ATXN7L3: variants seen among roughly 807,000 people sequenced by gnomAD.
ATXN7L3 encodes the protein ataxin 7 like 3.
In ATXN7L3, 6 loss-of-function variants were observed where a neutral mutation model predicts 50.0. The observed-to-expected ratio is 0.12, with a 90% CI of 0.07 to 0.24. The LOEUF (loss-of-function observed/expected upper bound fraction) is 0.24, where lower values mean the gene tolerates loss of function less well. Among genes scored for constraint, ATXN7L3 ranks in the 10% least tolerant of loss-of-function variants. The pLI is 1.00. For missense variants in ATXN7L3, 322 were observed against 451.3 expected (o/e 0.71, Z 2.60); for synonymous variants, 198 against 165.8 (o/e 1.19, Z -1.49).
In ATXN7L3 at chr17:44,197,741, G is replaced by A; in HGVS notation, c.52-11C>T. ...CTCCTGAGCGATGGCCTGGGCCCCA[G>A]GGGAGAACATCTACGGTCACAAGAG... On this transcript the variant is annotated splice_polypyrimidine_tract_variant and intron_variant, in intron 2 of 12. Coordinates refer to ENST00000587097, the MANE Select transcript of ATXN7L3 (RefSeq NM_001382309.1). The A allele has an allele frequency of 1.9e-6, 3 of 1,614,262 alleles. No individual in the cohort carries two copies. Among genetic ancestry groups the A allele is most frequent in the Non-Finnish European group, 2.5e-6 (3 of 1,180,042 alleles).
chr17:44,197,950 T>G, intron 2 of ATXN7L3, 70 bp downstream of exon 2: 3 of 1,567,986 alleles, frequency 1.9e-6, no homozygotes, highest in East Asian at 2.2e-5. Context: ...CTCTTTGGTG[T>G]GGATGCCAGA....
At chr17:44,198,994 G>C (rs1414611876) in intron 1 of ATXN7L3, 1 of 152,588 alleles carries the variant, frequency 6.6e-6, no homozygotes, top group Non-Finnish European at 1.5e-5. Flanking sequence ...TGAGCCGGGG[G>C]CACTGGGAAG....
At chr17:44,196,712 A>C (rs2055909487) in intron 5 of ATXN7L3, among the ~76,000 whole-genome samples, 1 of 128,460 alleles carries the variant, frequency 7.8e-6, no homozygotes, top group Non-Finnish European at 1.6e-5. Context: ...CGGGAGACGG[A>C]GGTTGCAGTG....
At position 44,194,220 on chromosome 17, in the gene ATXN7L3, A is replaced by G. The variant is rs1445534203; in HGVS notation, c.*43T>C. 4.4e-6 allele frequency: 7 copies of G among 1,606,012 alleles called. No homozygotes were observed. Among genetic ancestry groups the G allele is most frequent in the Admixed American group, 1.7e-5 (1 of 59,172 alleles). On this transcript the variant is annotated 3_prime_UTR_variant, in exon 13 of 13. Coordinates refer to ENST00000587097, the MANE Select transcript of ATXN7L3 (RefSeq NM_001382309.1). The stretch of plus-strand genomic sequence containing the variant: ...CTATGCCACCTGGGTGGGGGTCAGG[A>G]GAGAGGGCTCTGCTCAGCCAAAGGC...
intron 9 of ATXN7L3, 61 bp from the exon 10 acceptor site, chr17:44,195,201 T>G (rs1284142598): frequency 6.4e-7 from 1 of 1,552,738 alleles, no homozygotes. Flanking sequence ...ATGTTAGATG[T>G]TTCTTTCTGT....
At position 44,197,629 on chromosome 17, in the gene ATXN7L3, G is replaced by T. The variant is rs375431430; in HGVS notation, c.153C>A (p.Asp51Glu). ...RAVKCGYFFL[D>E]DTDPDSMKDF... The stretch of plus-strand genomic sequence containing the variant: ...CCTTCATGCTATCAGGGTCCGTGTC[G>T]TCCAAGAAGAAGTAGCCACACTTGA... The change falls in exon 3 of 13, where the codon GAC (aspartate) becomes GAA (glutamate). Residue 51 changes from aspartate to glutamate, a missense_variant. Coordinates refer to ENST00000587097, the MANE Select transcript of ATXN7L3 (RefSeq NM_001382309.1). 6.2e-7 allele frequency: 1 copy of T among 1,614,132 alleles called. No homozygotes were observed. Among genetic ancestry groups the T allele is most frequent in the African/African-American group, 1.3e-5 (1 of 74,942 alleles).
intron 5 of ATXN7L3, 82 bp from the exon 6 acceptor site, chr17:44,196,500 C>G: frequency 6.3e-7 from 1 of 1,583,712 alleles, no homozygotes; most frequent in Non-Finnish European, 8.7e-7. Flanking sequence ...ATACAACAGG[C>G]TGGGCACGGT....
chr17:44,196,835 T>C (rs2055921144), intron 5 of ATXN7L3, 94 bp downstream of exon 5: 19 of 648,470 alleles, frequency 2.9e-5, no homozygotes, highest in South Asian at 2.5e-4. Flanking sequence ...TCTCTCTTCA[T>C]CATTCAAGGC....
At position 44,194,445 on chromosome 17, in the gene ATXN7L3, G is replaced by C. The variant is rs376733587; in HGVS notation, c.896-34C>G. On this transcript the variant is annotated intron_variant, in intron 12 of 12. Coordinates refer to ENST00000587097, the MANE Select transcript of ATXN7L3 (RefSeq NM_001382309.1). The stretch of plus-strand genomic sequence containing the variant: ...AAAGAGACACAAGGGATGAGAGTAT[G>C]GTTATGGCAGGAGAGGTGGCACCCC... The C allele has an allele frequency of 5.3e-5, 86 of 1,613,514 alleles. No individual in the cohort carries two copies. The African/African-American group carries it at 9.9e-4, about 19-fold the overall frequency.
Position 44,196,899 on chromosome 17 carries a change from C to T in ATXN7L3, c.454+30G>A, listed in dbSNP as rs780116478. 11 of 1,538,622 alleles carry T rather than the reference C, an allele frequency of 7.1e-6. No individual in the cohort carries two copies. In the East Asian group the frequency reaches 1.4e-4, roughly 19 times the overall value. ...TCCTGCTTCCCACCTCATCCCAATG[C>T]CCCCCGGGTTTCCCCAGATCCCCAA... On this transcript the variant is annotated intron_variant, in intron 5 of 12. Transcript: ENST00000587097.
At chr17:44,195,217 T>A in intron 9 of ATXN7L3, 77 bp from the exon 10 acceptor site, 1 of 1,522,362 alleles carries the variant, frequency 6.6e-7, no homozygotes, top group Non-Finnish European at 9.1e-7. Flanking sequence ...TCTGTATAAA[T>A]GCTAGATAGC....
intron 4 of ATXN7L3, 51 bp downstream of exon 4, chr17:44,197,177 G>A: frequency 3.2e-6 from 5 of 1,571,704 alleles, no homozygotes; most frequent in Non-Finnish European, 4.3e-6. Context: ...GCCCCCGGGG[G>A]ACTACACCAT....
Position 44,198,129 on chromosome 17 carries a change from G to A in ATXN7L3, c.-59C>T, listed in dbSNP as rs1004516167. 2.3e-5 allele frequency: 36 copies of A among 1,547,908 alleles called. No homozygotes were observed. The Middle Eastern group carries it at 5.0e-4, about 22-fold the overall frequency. ...CTCATAGCACAGCGGGCGGCAACAC[G>A]GCTGCACACACGGGGGTGGGGGTGT... On this transcript the variant is annotated splice_region_variant and 5_prime_UTR_variant, in exon 2 of 13. Transcript: ENST00000587097.
rs1254298462 is a variant in ATXN7L3, at chr17:44,192,335, TTA to T, written c.*1926_*1927del. 6.6e-6 allele frequency: 1 copy of T among 152,244 alleles called. No homozygotes were observed. Among genetic ancestry groups the T allele is most frequent in the African/African-American group, 2.4e-5 (1 of 41,440 alleles). The allele number at this position is 152,244 out of a possible 1,614,324, so 9.4% of individuals were successfully genotyped here. A position where few individuals can be genotyped will look rare whatever the true frequency, so the allele number is the denominator to read the frequency against. ...GCGGGCCAAGGAACAATGGGGAAGT[TTA>T]TGTGGACAAACCAGTTCCCAAGCTA... On this transcript the variant is annotated 3_prime_UTR_variant, in exon 13 of 13. Transcript: ENST00000587097.
rs922158672 is a variant in ATXN7L3 at position 44,192,729 on chromosome 17, G to A, written c.*1534C>T. Reference sequence around the variant, plus strand: ...GAGCCACAATCAGAACCACCCCAGCGGGAGAGCGGAGTTCCAGACAGGGCA... The same window carrying A: ...GAGCCACAATCAGAACCACCCCAGCAGGAGAGCGGAGTTCCAGACAGGGCA... On this transcript the variant is annotated 3_prime_UTR_variant, in exon 13 of 13. Transcript: ENST00000587097. The A allele has an allele frequency of 1.3e-5, 2 of 152,168 alleles. No individual in the cohort carries two copies. Among genetic ancestry groups the A allele is most frequent in the African/African-American group, 2.4e-5 (1 of 41,430 alleles). 9.4% of individuals were successfully genotyped at this position (152,168 alleles called of 1,614,324 possible). A position where few individuals can be genotyped will look rare whatever the true frequency, so the allele number is the denominator to read the frequency against.
chr17:44,196,493 C>T, intron 5 of ATXN7L3, 75 bp from the exon 6 acceptor site: 1 of 1,598,546 alleles, frequency 6.3e-7, no homozygotes, highest in Non-Finnish European at 8.6e-7. Flanking sequence ...GAAAACCATA[C>T]AACAGGCTGG....
Position 44,199,693 on chromosome 17 carries a change from T to G in ATXN7L3, c.-258A>C. The G allele has an allele frequency of 1.1e-5, 1 of 92,500 alleles. No individual in the cohort carries two copies. Among genetic ancestry groups the G allele is most frequent in the Admixed American group, 1.2e-4 (1 of 8,682 alleles). The allele number at this position is 92,500 out of a possible 1,614,324, so 5.7% of individuals were successfully genotyped here. ...ACCGGGCGGCCATGGCCCCTTCCCC[T>G]CCCTTCTTGTCCCGTCGCCGCCTCC... On this transcript the variant is annotated 5_prime_UTR_variant, in exon 1 of 13. Coordinates refer to ENST00000587097, the MANE Select transcript of ATXN7L3 (RefSeq NM_001382309.1).
chr17:44,198,001 C>T lies in ATXN7L3; in HGVS notation c.51+19G>A. ...ACATCAAGAGAAAGAACTGGAGGCA[C>T]ACGTGGGGGAGCCCTCACCTCTAGT... On this transcript the variant is annotated intron_variant, in intron 2 of 12. Coordinates refer to ENST00000587097, the MANE Select transcript of ATXN7L3 (RefSeq NM_001382309.1). 6.2e-7 allele frequency: 1 copy of T among 1,611,450 alleles called. No homozygotes were observed.
chr17:44,196,263 C>G, intron 6 of ATXN7L3, 133 bp downstream of exon 6: 1 of 1,155,766 alleles, frequency 8.7e-7, no homozygotes, highest in East Asian at 2.4e-5. Flanking sequence ...TCCCCCGCCC[C>G]GGACCCACCA....
Sources: allele counts gnomAD v4.1 joint callset (sites outside exome capture counted in the v4.1 genomes callset), GRCh38; gene constraint gnomAD v4.1.1; transcripts MANE v1.5; gene names NCBI Gene and HGNC (gene_info 2026-07-23, HGNC 2026-07-21).